The following PHF20 variants were observed in gnomAD, a reference collection of about 807,000 sequenced individuals.
PHF20 encodes PHD finger protein 20.
A neutral mutation model predicts 113.5 loss-of-function variants in PHF20; 23 were observed. The observed-to-expected ratio is 0.20, with a 90% CI of 0.15 to 0.29. The LOEUF is 0.29. Among genes scored for constraint, PHF20 ranks in the 10% least tolerant of loss-of-function variants. The pLI, the probability that PHF20 is intolerant of heterozygous loss-of-function variation, is 1.00. For synonymous variants in PHF20, 434 were observed against 457.3 expected (o/e 0.95, Z 0.65); for missense variants, 943 against 1,219.6 (o/e 0.77, Z 3.38).
chr20:35,802,582 A>G (rs2041800171), intron 2 of PHF20, among the ~76,000 whole-genome samples: 1 of 152,152 alleles, frequency 6.6e-6, no homozygotes, highest in African/African-American at 2.4e-5. Context: ...GTGTAGGAAG[A>G]TAAGACAGGA....
At chr20:35,809,058 A>G (rs1277477170) in intron 2 of PHF20, among the ~76,000 whole-genome samples, 2 of 150,976 alleles carry the variant, frequency 1.3e-5, no homozygotes, top group African/African-American at 4.9e-5. Context: ...CAAGACCAGC[A>G]TGGTGAAACC....
In PHF20 at chr20:35,864,407, AACACACACACAC is replaced by A. The variant is rs376477234; in HGVS notation, c.808+1041_808+1052del. Reference sequence around the variant, plus strand: ...ACAATGTAGTGACACCCCATCTCAAAACACACACACACACACACACACACACACACACACACA... The same window carrying A: ...ACAATGTAGTGACACCCCATCTCAAAACACACACACACACACACACACACA... On this transcript the variant is annotated intron_variant, in intron 6 of 17. Transcript: ENST00000374012. Among the ~76,000 whole-genome samples the A allele has an allele frequency of 6.1e-3, 807 of 132,522 alleles. 6 individuals are homozygous for A. The highest frequency in any genetic ancestry group is 0.02 in the African/African-American group (686 of 35,058). The allele number at this position is 132,522 out of a possible 152,430, so 86.9% of individuals were successfully genotyped here. A position where few individuals can be genotyped will look rare whatever the true frequency, so the allele number is the denominator to read the frequency against.
At chr20:35,825,750 C>T (rs1302382499) in intron 2 of PHF20, among the ~76,000 whole-genome samples, 2 of 152,108 alleles carry the variant, frequency 1.3e-5, no homozygotes, top group East Asian at 1.9e-4. Context: ...AATTCTTTGG[C>T]TCAAGCAGCT....
At chr20:35,839,880 C>G (rs2042511168) in intron 2 of PHF20, among the ~76,000 whole-genome samples, 1 of 152,182 alleles carries the variant, frequency 6.6e-6, no homozygotes, top group South Asian at 2.1e-4. Context: ...AATTTAAAAA[C>G]TGACAGAATA....
chr20:35,886,046 G>A (rs1205474525), intron 9 of PHF20, among the ~76,000 whole-genome samples: 4 of 151,502 alleles, frequency 2.6e-5, no homozygotes, highest in Non-Finnish European at 5.9e-5. Flanking sequence ...TGGGCTCATG[G>A]ATTCTTATGT....
intron 1 of PHF20, among the ~76,000 whole-genome samples, chr20:35,791,546 T>C (rs2041554463): frequency 6.8e-6 from 1 of 147,138 alleles, no homozygotes; most frequent in Admixed American, 6.9e-5. Context: ...TGTATATATA[T>C]ATATATATAT....
chr20:35,782,744 C>T (rs1415786241), intron 1 of PHF20: 1 of 152,194 alleles, frequency 6.6e-6, no homozygotes, highest in Non-Finnish European at 1.5e-5. Context: ...GTGTTATGCA[C>T]ATTGGAGGCA....
chr20:35,817,706 GA>G (rs2042101260), intron 2 of PHF20, among the ~76,000 whole-genome samples: 1 of 152,106 alleles, frequency 6.6e-6, no homozygotes, highest in Non-Finnish European at 1.5e-5. Context: ...ACAGGCTAGA[GA>G]ATCCTTTGAG....
At chr20:35,893,608 A>G (rs73618536) in intron 9 of PHF20, among the ~76,000 whole-genome samples, 1,607 of 150,688 alleles carry the variant, frequency 0.011, 18 homozygotes, top group East Asian at 0.041. Flanking sequence ...CCAGCCGGCC[A>G]TGGCTTTTTT....
At chr20:35,857,575 T>TTG (rs1491006289) in intron 4 of PHF20, among the ~76,000 whole-genome samples, 14 of 130,710 alleles carry the variant, frequency 1.1e-4, no homozygotes, top group African/African-American at 3.3e-4. Context: ...TTTTTTTTTT[T>TTG]TTTTTTTTTT....
At chr20:35,772,155 G>C (rs1047050700) in intron 1 of PHF20, 76 bp downstream of exon 1, 3 of 149,806 alleles carry the variant, frequency 2.0e-5, no homozygotes, top group African/African-American at 4.9e-5. Flanking sequence ...CGCCGTGCGG[G>C]CGGGGACGGC....
intron 4 of PHF20, among the ~76,000 whole-genome samples, chr20:35,853,942 T>C (rs1390679361): frequency 1.3e-5 from 2 of 151,992 alleles, no homozygotes; most frequent in Admixed American, 6.6e-5. Flanking sequence ...TTTGTAGAGA[T>C]GGGGTTTCAC....
rs377366207 is a variant in PHF20, at chr20:35,862,903, G to GT, written c.421-109dup. On this transcript the variant is annotated intron_variant, in intron 5 of 17. Transcript: ENST00000374012. Reference sequence around the variant, plus strand: ...TGGTGCTTTGTATATGTGATCTGGCGTATGTCTTGTTTTAATTTCTTTGTT... The same window carrying GT: ...TGGTGCTTTGTATATGTGATCTGGCGTTATGTCTTGTTTTAATTTCTTTGTT... 29 of 1,055,782 alleles carry GT rather than the reference G, an allele frequency of 2.7e-5. No homozygotes were observed. The African/African-American group carries it at 3.8e-4, about 14-fold the overall frequency. 65.4% of individuals were successfully genotyped at this position (1,055,782 alleles called of 1,614,324 possible). A position where few individuals can be genotyped will look rare whatever the true frequency, so the allele number is the denominator to read the frequency against.
At chr20:35,938,168 G>A (rs1195198705) in intron 15 of PHF20, among the ~76,000 whole-genome samples, 2 of 152,142 alleles carry the variant, frequency 1.3e-5, no homozygotes, top group Middle Eastern at 3.4e-3. Flanking sequence ...CACCGCCCCC[G>A]GCCCGTTTTA....
chr20:35,934,029 T>G (rs1163750657), intron 15 of PHF20, among the ~76,000 whole-genome samples: 1 of 152,236 alleles, frequency 6.6e-6, no homozygotes, highest in Admixed American at 6.5e-5. Context: ...TTTAGTATAG[T>G]CTGTGTCAGG....
intron 4 of PHF20, among the ~76,000 whole-genome samples, chr20:35,850,374 T>C (rs2042703019): frequency 7.6e-6 from 1 of 132,346 alleles, no homozygotes; most frequent in Non-Finnish European, 1.6e-5. Context: ...AGTGGCACAA[T>C]CTCTGCTCAC....
chr20:35,833,091 T>G (rs1393057166), intron 2 of PHF20, among the ~76,000 whole-genome samples: 1 of 151,890 alleles, frequency 6.6e-6, no homozygotes, highest in East Asian at 1.9e-4. Flanking sequence ...ATTCTGTATT[T>G]CTAAACCCTA....
chr20:35,871,854 C>T (rs1188488913), intron 9 of PHF20, 25 bp downstream of exon 9: 3 of 1,531,298 alleles, frequency 2.0e-6, no homozygotes, highest in Non-Finnish European at 2.7e-6. Flanking sequence ...TTAAATTAAT[C>T]CTCTTTTTAT....
At chr20:35,851,216 A>T (rs928779774) in intron 4 of PHF20, among the ~76,000 whole-genome samples, 2 of 151,988 alleles carry the variant, frequency 1.3e-5, no homozygotes, top group Non-Finnish European at 2.9e-5. Flanking sequence ...CTTTCTGTTG[A>T]TCTGTGGTTC....
Sources: gnomAD v4.1 joint callset for allele counts (sites outside exome capture counted in the v4.1 genomes callset) on GRCh38, gnomAD v4.1.1 for gene constraint, MANE v1.5 for transcripts, NCBI Gene and HGNC (gene_info 2026-07-23, HGNC 2026-07-21) for gene names.